Variants in RBFOX3 observed in about 807,000 individuals in gnomAD.
The protein encoded by RBFOX3 is RNA binding fox-1 homolog 3, also known as RNA binding protein fox-1 homolog 3.
In RBFOX3, 17 loss-of-function variants were observed where a neutral mutation model predicts 48.7. The observed-to-expected ratio is 0.35, with a 90% CI of 0.24 to 0.52. The LOEUF is 0.52. Among genes scored for constraint, RBFOX3 ranks in the 20% least tolerant of loss-of-function variants. The probability of loss-of-function intolerance (pLI) is 0.94; values close to 1 mark genes in which losing one functional copy is unlikely to be tolerated. For missense variants in RBFOX3, 382 were observed against 497.5 expected (o/e 0.77, Z 2.21); for synonymous variants, 212 against 209.5 (o/e 1.01, Z -0.10).
intron 2 of RBFOX3, among the ~76,000 whole-genome samples, chr17:79,454,338 C>A (rs1046074321): frequency 6.6e-6 from 1 of 152,146 alleles, no homozygotes; most frequent in Admixed American, 6.5e-5. Context: ...ATCTGTCCTG[C>A]CCCAGGGCCA....
At chr17:79,526,224 C>G (rs2150038332) in intron 1 of RBFOX3, among the ~76,000 whole-genome samples, 1 of 152,292 alleles carries the variant, frequency 6.6e-6, no homozygotes, top group South Asian at 2.1e-4. Flanking sequence ...GGGAGTGTGA[C>G]TCTCAGGTGG....
chr17:79,546,181 C>T (rs1031027173), intron 1 of RBFOX3, among the ~76,000 whole-genome samples: 1 of 152,200 alleles, frequency 6.6e-6, no homozygotes, highest in Non-Finnish European at 1.5e-5. Flanking sequence ...CCACCTGCCA[C>T]CACTGATGAA....
chr17:79,236,351 C>T (rs1253264902), intron 3 of RBFOX3, among the ~76,000 whole-genome samples: 1 of 152,038 alleles, frequency 6.6e-6, no homozygotes, highest in Non-Finnish European at 1.5e-5. Flanking sequence ...TGCAATGGTG[C>T]GATCTTGGCT....
At chr17:79,141,515 A>G (rs915562732) in intron 4 of RBFOX3, among the ~76,000 whole-genome samples, 1 of 151,638 alleles carries the variant, frequency 6.6e-6, no homozygotes, top group East Asian at 2.0e-4. Context: ...GGGGGTCAGC[A>G]TGGGGCCTGA....
chr17:79,463,148 TCCA>T (rs1286777254), intron 2 of RBFOX3, among the ~76,000 whole-genome samples: 6 of 104,384 alleles, frequency 5.7e-5, no homozygotes, highest in Non-Finnish European at 1.2e-4. Flanking sequence ...CACCGCCACC[TCCA>T]CCACCATCGC....
the RBFOX3 span, among the ~76,000 whole-genome samples, chr17:79,616,479 T>C: frequency 3.3e-5 from 5 of 149,782 alleles, no homozygotes; most frequent in Admixed American, 1.3e-4. Context: ...GAGATTGCAG[T>C]GAGCCAAGAT....
At chr17:79,504,728 C>G (rs2082845189) in intron 1 of RBFOX3, among the ~76,000 whole-genome samples, 1 of 152,210 alleles carries the variant, frequency 6.6e-6, no homozygotes, top group African/African-American at 2.4e-5. Context: ...AGCACCATCT[C>G]CCCAGCTCAA....
intron 1 of RBFOX3, among the ~76,000 whole-genome samples, chr17:79,593,148 G>A (rs1326698796): frequency 6.6e-6 from 1 of 152,048 alleles, no homozygotes; most frequent in African/African-American, 2.4e-5. Flanking sequence ...AGGAACATGT[G>A]TGTCCACAGC....
At chr17:79,296,931 C>T (rs1287946021) in intron 3 of RBFOX3, among the ~76,000 whole-genome samples, 1 of 132,006 alleles carries the variant, frequency 7.6e-6, no homozygotes, top group Non-Finnish European at 1.6e-5. Context: ...TCTCTCCTCC[C>T]CCTCTCCCTC....
At chr17:79,579,151 CA>C (rs2092960676) in intron 1 of RBFOX3, among the ~76,000 whole-genome samples, 1 of 152,228 alleles carries the variant, frequency 6.6e-6, no homozygotes, top group African/African-American at 2.4e-5. Context: ...AATTGTTCTC[CA>C]TGCTCTTTGG....
intron 2 of RBFOX3, among the ~76,000 whole-genome samples, chr17:79,322,180 T>C (rs898283616): frequency 6.6e-6 from 1 of 151,246 alleles, no homozygotes; most frequent in Non-Finnish European, 1.5e-5. Flanking sequence ...TGAGGGTGGG[T>C]TTTGAGCTGT....
intron 4 of RBFOX3, among the ~76,000 whole-genome samples, chr17:79,127,952 C>T (rs114785529): frequency 7.7e-4 from 117 of 152,350 alleles, no homozygotes; most frequent in African/African-American, 2.7e-3. Context: ...GGGCAGGGAG[C>T]CCTGCTGTTC....
chr17:79,456,009 A>G (rs959101261), intron 2 of RBFOX3, among the ~76,000 whole-genome samples: 1 of 151,590 alleles, frequency 6.6e-6, no homozygotes, highest in East Asian at 1.9e-4. Flanking sequence ...CTCCACCCCA[A>G]ACCTAAGGAC....
intron 4 of RBFOX3, among the ~76,000 whole-genome samples, chr17:79,163,703 C>T (rs773899227): frequency 6.6e-6 from 1 of 152,088 alleles, no homozygotes; most frequent in Non-Finnish European, 1.5e-5. Flanking sequence ...GCCCGCACCC[C>T]ACTTGCTTCC....
At chr17:79,328,284 T>C (rs1390981547) in intron 2 of RBFOX3, among the ~76,000 whole-genome samples, 1 of 152,194 alleles carries the variant, frequency 6.6e-6, no homozygotes. Flanking sequence ...CCTCTTACTC[T>C]GCAGAACTGG....
At chr17:79,557,015 T>G (rs1465679159) in intron 1 of RBFOX3, among the ~76,000 whole-genome samples, 1 of 151,728 alleles carries the variant, frequency 6.6e-6, no homozygotes, top group Admixed American at 6.6e-5. Flanking sequence ...AGGCCGAGGA[T>G]GGTGGATCAT....
At chr17:79,120,482 G>A (rs909553182) in intron 4 of RBFOX3, among the ~76,000 whole-genome samples, 10 of 151,510 alleles carry the variant, frequency 6.6e-5, no homozygotes, top group Non-Finnish European at 2.9e-5. Context: ...TGGAAGGGTG[G>A]ATAAATGGGT....
intron 2 of RBFOX3, among the ~76,000 whole-genome samples, chr17:79,454,587 A>G (rs2074155382): frequency 6.6e-6 from 1 of 152,200 alleles, no homozygotes. Flanking sequence ...GACCCAGTCA[A>G]GAAAGTCCAA....
chr17:79,547,838 C>CCACGCGCA (rs60964532), intron 1 of RBFOX3, among the ~76,000 whole-genome samples: 25,673 of 151,990 alleles, frequency 0.17, 5,074 homozygotes, highest in African/African-American at 0.48. Context: ...GTACTCGCAC[C>CCACGCGCA]CACACCGATT....
Sources: allele counts gnomAD v4.1 joint callset (sites outside exome capture counted in the v4.1 genomes callset), GRCh38; gene constraint gnomAD v4.1.1; transcripts MANE v1.5; gene names NCBI Gene and HGNC (gene_info 2026-07-23, HGNC 2026-07-21).